RYR2: variants seen among roughly 807,000 people sequenced by gnomAD.
RYR2 encodes the protein cardiac muscle ryanodine receptor-calcium release channel.
A neutral mutation model predicts 601.1 loss-of-function variants in RYR2; 227 were observed. The observed-to-expected ratio is 0.38, with a 90% confidence interval of 0.34 to 0.42. The LOEUF (loss-of-function observed/expected upper bound fraction) is 0.42, where lower values mean the gene tolerates loss of function less well. Ranked by LOEUF, RYR2 falls within the 10% of genes least tolerant of loss-of-function variation. RYR2 has a pLI of 1.00. For synonymous variants in RYR2, 2,223 were observed against 2,175.1 expected (o/e 1.02, Z -0.61); for missense variants, 4,646 against 6,156.5 (o/e 0.75, Z 8.21).
intron 10 of RYR2, among the ~76,000 whole-genome samples, chr1:237,405,277 G>T (rs1703748193): frequency 6.6e-6 from 1 of 152,210 alleles, no homozygotes; most frequent in Non-Finnish European, 1.5e-5. Flanking sequence ...GGAAAACCTG[G>T]AAAGAGTGGT....
rs796686166 is a variant in RYR2 at position 237,269,128 on chromosome 1, C to T, written c.49-1369C>T. Among the ~76,000 whole-genome samples, 19 of 145,884 alleles carry T rather than the reference C, an allele frequency of 1.3e-4. 1 individual carries two copies. Among genetic ancestry groups the T allele is most frequent in the African/African-American group, 2.9e-4 (11 of 38,034 alleles). ...CACGATCTCAGCTCACTGCAACCTCCGCCTCCCAGGTTAAAGCAATTCTCC... is the reference window on the plus strand; with the variant it reads ...CACGATCTCAGCTCACTGCAACCTCTGCCTCCCAGGTTAAAGCAATTCTCC... On this transcript the variant is annotated intron_variant, in intron 1 of 104. Transcript: ENST00000366574.
At chr1:237,587,803 G>T (rs1674699665) in intron 29 of RYR2, among the ~76,000 whole-genome samples, 1 of 152,090 alleles carries the variant, frequency 6.6e-6, no homozygotes, top group South Asian at 2.1e-4. Context: ...ATAGCCAAAG[G>T]TCAACTATAC....
At chr1:237,146,713 T>G (rs2148789474) in intron 1 of RYR2, among the ~76,000 whole-genome samples, 1 of 152,308 alleles carries the variant, frequency 6.6e-6, no homozygotes, top group South Asian at 2.1e-4. Context: ...CCAGTTTTCT[T>G]TCACTTGGAG....
intron 22 of RYR2, among the ~76,000 whole-genome samples, chr1:237,504,737 G>A (rs1665035920): frequency 6.6e-6 from 1 of 152,160 alleles, no homozygotes; most frequent in Admixed American, 6.5e-5. Context: ...ATACAGATGT[G>A]ACACACACCG....
intron 56 of RYR2, among the ~76,000 whole-genome samples, chr1:237,665,051 C>A (rs2148865395): frequency 6.6e-6 from 1 of 152,272 alleles, no homozygotes; most frequent in East Asian, 1.9e-4. Context: ...GATTTTACAT[C>A]CATTACCTAG....
intron 34 of RYR2, among the ~76,000 whole-genome samples, chr1:237,598,298 C>A (rs745649148): frequency 6.6e-6 from 1 of 152,168 alleles, no homozygotes; most frequent in Non-Finnish European, 1.5e-5. Context: ...AAACTGCACT[C>A]TAGACCAAAG....
intron 1 of RYR2, among the ~76,000 whole-genome samples, chr1:237,219,671 G>T (rs1268621634): frequency 6.6e-6 from 1 of 152,146 alleles, no homozygotes; most frequent in Non-Finnish European, 1.5e-5. Context: ...AGGAGGGAAA[G>T]GATATAATCT....
chr1:237,602,210 A>C (rs1156643748), intron 35 of RYR2, 99 bp downstream of exon 35: 2 of 728,216 alleles, frequency 2.7e-6, no homozygotes, highest in East Asian at 6.1e-5. Context: ...TACTGATATG[A>C]ATCAAATAAA....
intron 11 of RYR2, among the ~76,000 whole-genome samples, chr1:237,422,092 G>T (rs190589501): frequency 2.0e-5 from 3 of 152,240 alleles, no homozygotes; most frequent in Admixed American, 2.0e-4. Context: ...GGAAAGTCAT[G>T]CACGATAGAA....
chr1:237,545,753 TAA>T (rs57471366), intron 25 of RYR2, among the ~76,000 whole-genome samples: 61 of 128,114 alleles, frequency 4.8e-4, no homozygotes, highest in African/African-American at 1.4e-3. Context: ...TCTTGAAAAA[TAA>T]AAAAAAAAAA....
intron 7 of RYR2, among the ~76,000 whole-genome samples, chr1:237,377,001 C>T (rs184290664): frequency 1.1e-4 from 17 of 152,216 alleles, no homozygotes; most frequent in African/African-American, 3.6e-4. Flanking sequence ...AGTATAATGA[C>T]ATGTGAGTGT....
intron 4 of RYR2, among the ~76,000 whole-genome samples, chr1:237,357,049 T>A (rs1051606456): frequency 7.4e-6 from 1 of 135,468 alleles, no homozygotes; most frequent in Non-Finnish European, 1.5e-5. Flanking sequence ...TGTTCTCTTG[T>A]CTTTTTTTTT....
At chr1:237,457,874 C>A (rs1332934316) in intron 16 of RYR2, among the ~76,000 whole-genome samples, 1 of 152,168 alleles carries the variant, frequency 6.6e-6, no homozygotes, top group Non-Finnish European at 1.5e-5. Context: ...ACTGTTACAT[C>A]ACTTCCCTGT....
intron 1 of RYR2, among the ~76,000 whole-genome samples, chr1:237,148,557 C>T (rs4593813): frequency 2.8e-4 from 30 of 107,860 alleles, no homozygotes; most frequent in African/African-American, 7.6e-4. Context: ...TATATATACA[C>T]ACACACATAT....
At chr1:237,507,556 T>C (rs1665397397) in intron 23 of RYR2, among the ~76,000 whole-genome samples, 1 of 152,228 alleles carries the variant, frequency 6.6e-6, no homozygotes, top group South Asian at 2.1e-4. Flanking sequence ...GAGCTCTGAA[T>C]AAAGAATACT....
chr1:237,070,077 T>G (rs1572523677), intron 1 of RYR2, among the ~76,000 whole-genome samples: 1 of 147,260 alleles, frequency 6.8e-6, no homozygotes, highest in Non-Finnish European at 1.5e-5. Context: ...GTTGCCCAGG[T>G]TGGAGTGCAG....
chr1:237,286,239 A>C (rs1281431484), intron 2 of RYR2, among the ~76,000 whole-genome samples: 1 of 152,004 alleles, frequency 6.6e-6, no homozygotes, highest in African/African-American at 2.4e-5. Context: ...GTCTGGTTCA[A>C]ATAATTTTTT....
At chr1:237,693,750 T>C (rs1687150555) in intron 63 of RYR2, among the ~76,000 whole-genome samples, 1 of 152,178 alleles carries the variant, frequency 6.6e-6, no homozygotes, top group African/African-American at 2.4e-5. Context: ...ATGTTACGTT[T>C]GGAAGAGTTT....
intron 2 of RYR2, among the ~76,000 whole-genome samples, chr1:237,296,399 G>T (rs1256616062): frequency 1.3e-5 from 2 of 152,150 alleles, no homozygotes; most frequent in African/African-American, 4.8e-5. Flanking sequence ...AGAGAATGAA[G>T]TAACTCAATA....
Sources: gnomAD v4.1 joint callset for allele counts (sites outside exome capture counted in the v4.1 genomes callset) on GRCh38, gnomAD v4.1.1 for gene constraint, MANE v1.5 for transcripts, NCBI Gene and HGNC (gene_info 2026-07-23, HGNC 2026-07-21) for gene names.